PDCD6IP: variants seen among roughly 807,000 people sequenced by gnomAD.
PDCD6IP encodes the protein programmed cell death 6-interacting protein.
A neutral mutation model predicts 103.7 loss-of-function variants in PDCD6IP; 43 were observed. The observed-to-expected ratio is 0.41, with a 90% CI of 0.32 to 0.53. The LOEUF (loss-of-function observed/expected upper bound fraction) is 0.53, where lower values mean the gene tolerates loss of function less well. Among genes scored for constraint, PDCD6IP ranks in the 20% least tolerant of loss-of-function variants. The probability of loss-of-function intolerance (pLI) is 0.16; values close to 1 mark genes in which losing one functional copy is unlikely to be tolerated. For synonymous variants in PDCD6IP, 354 were observed against 378.7 expected (o/e 0.93, Z 0.76); for missense variants, 871 against 1,036.7 (o/e 0.84, Z 2.20).
chr3:33,838,213 A>G lies in PDCD6IP; in HGVS notation c.1067A>G (p.Glu356Gly). ...PISQKFTDLF[E>G]KMVPVSVQQS... ...CTCTTCCTAATTTTAGATCTGTTTG[A>G]GAAGATGGTTCCCGTGTCAGTACAG... Residue 356 changes from glutamate to glycine, a missense_variant, in exon 9 of 18, where the codon GAG becomes GGG. Coordinates refer to ENST00000307296, the MANE Select transcript of PDCD6IP (RefSeq NM_013374.6). The G allele has an allele frequency of 6.2e-7, 1 of 1,613,362 alleles. No homozygotes were observed. The highest frequency in any genetic ancestry group is 8.5e-7 in the Non-Finnish European group (1 of 1,179,702).
rs1225765257 is a variant in PDCD6IP, at chr3:33,798,675, C to T, written c.-54C>T. ...AGCCCAGTACCTCTCTCTCCTCGGCCCTCGTAAGCTGTCCGCGGTCTGTTT... is the reference window on the plus strand; with the variant it reads ...AGCCCAGTACCTCTCTCTCCTCGGCTCTCGTAAGCTGTCCGCGGTCTGTTT... On this transcript the variant is annotated 5_prime_UTR_variant, in exon 1 of 18. Coordinates refer to ENST00000307296, the MANE Select transcript of PDCD6IP (RefSeq NM_013374.6). The T allele has an allele frequency of 9.0e-6, 13 of 1,441,014 alleles. No individual in the cohort carries two copies. Among genetic ancestry groups the T allele is most frequent in the Non-Finnish European group, 1.1e-5 (12 of 1,071,614 alleles). 89.3% of individuals were successfully genotyped at this position (1,441,014 alleles called of 1,614,324 possible).
chr3:33,846,753 G>C (rs903329388), intron 12 of PDCD6IP, among the ~76,000 whole-genome samples: 11 of 152,190 alleles, frequency 7.2e-5, no homozygotes, highest in Non-Finnish European at 1.5e-4. Context: ...GTGACAGAAG[G>C]TTTACAGACA....
At chr3:33,864,192 C>A in intron 16 of PDCD6IP, 63 bp downstream of exon 16, 3 of 981,430 alleles carry the variant, frequency 3.1e-6, no homozygotes, top group Non-Finnish European at 4.8e-6. Flanking sequence ...CTTGTTCTAA[C>A]GGATAAAACA....
chr3:33,803,441 A>G (rs1321957281), intron 1 of PDCD6IP, among the ~76,000 whole-genome samples: 2 of 151,800 alleles, frequency 1.3e-5, no homozygotes, highest in Admixed American at 1.3e-4. Flanking sequence ...TTTTTCTGTG[A>G]TTGCTTGTTC....
At chr3:33,841,831 A>C in intron 9 of PDCD6IP, 66 bp from the exon 10 acceptor site, 1 of 1,026,988 alleles carries the variant, frequency 9.7e-7, no homozygotes, top group South Asian at 1.7e-5. Flanking sequence ...AATTAAATAA[A>C]GTAAGTATTG....
chr3:33,802,885 G>C (rs997564651), intron 1 of PDCD6IP, among the ~76,000 whole-genome samples: 1 of 152,114 alleles, frequency 6.6e-6, no homozygotes, highest in Non-Finnish European at 1.5e-5. Context: ...ATACCTTCTC[G>C]TTCCAGCCTC....
chr3:33,850,173 G>T lies in PDCD6IP; in HGVS notation c.1642-2315G>T, dbSNP rs368497264. Among the ~76,000 whole-genome samples the T allele has an allele frequency of 3.9e-5, 6 of 152,258 alleles. No individual in the cohort carries two copies. In the East Asian group the frequency reaches 9.6e-4, roughly 24 times the overall value. On this transcript the variant is annotated intron_variant, in intron 12 of 17. Coordinates refer to ENST00000307296, the MANE Select transcript of PDCD6IP (RefSeq NM_013374.6). Reference sequence around the variant, plus strand: ...GTACTATTATGCCCATTTTGCAGTTGTGAAAATTGAATTTTCTTAGTAGTA... The same window carrying T: ...GTACTATTATGCCCATTTTGCAGTTTTGAAAATTGAATTTTCTTAGTAGTA...
chr3:33,845,518 G>T lies in PDCD6IP; in HGVS notation c.1571G>T (p.Cys524Phe), dbSNP rs369799746. Residue 524 changes from cysteine to phenylalanine, a missense_variant, in exon 12 of 18, where the codon TGT (cysteine) becomes TTT (phenylalanine). Around this residue, in one of 5 missense-constraint regions of PDCD6IP, gnomAD observed 266 missense variants for 390.5 expected, o/e 0.68. Coordinates refer to ENST00000307296, the MANE Select transcript of PDCD6IP (RefSeq NM_013374.6). ...QSHRDTIVLL[C>F]KPEPELNAAI... ...CATCGTGACACCATCGTGCTTTTGT[G>T]TAAGCCAGAGCCTGAGCTGAATGCT... 1 of 1,613,960 alleles carries T rather than the reference G, an allele frequency of 6.2e-7. No homozygotes were observed. The highest frequency in any genetic ancestry group is 8.5e-7 in the Non-Finnish European group (1 of 1,179,882).
intron 11 of PDCD6IP, among the ~76,000 whole-genome samples, chr3:33,844,591 C>T (rs772947835): frequency 1.3e-5 from 2 of 152,138 alleles, no homozygotes; most frequent in Non-Finnish European, 2.9e-5. Flanking sequence ...GGCAATCCTT[C>T]TACCTCAACC....
At chr3:33,848,660 C>G (rs1276276372) in intron 12 of PDCD6IP, among the ~76,000 whole-genome samples, 1 of 152,114 alleles carries the variant, frequency 6.6e-6, no homozygotes, top group Non-Finnish European at 1.5e-5. Flanking sequence ...ACCTTGGCCT[C>G]CCAAAGTGCT....
chr3:33,844,165 AT>A lies in PDCD6IP; in HGVS notation c.1416del (p.Phe472LeufsTer17). ...EATDNDLRAK[F>X]KERWQRTPSN... ...CAACCGATAATGATTTAAGAGCAAA[AT>A]TTAAGGAACGTTGGCAAAGGACACC... On this transcript the variant is annotated frameshift_variant, in exon 11 of 18. Coordinates refer to ENST00000307296, the MANE Select transcript of PDCD6IP (RefSeq NM_013374.6). LOFTEE classifies it high-confidence loss of function. 3.1e-6 allele frequency: 5 copies of A among 1,608,576 alleles called. No individual in the cohort carries two copies. Among genetic ancestry groups the A allele is most frequent in the Non-Finnish European group, 4.2e-6 (5 of 1,178,856 alleles).
intron 7 of PDCD6IP, chr3:33,835,429 C>A: frequency 4.9e-6 from 2 of 411,482 alleles, no homozygotes; most frequent in South Asian, 1.8e-5. Flanking sequence ...AATAACCCAA[C>A]AGCCAGACAG....
chr3:33,856,473 A>G (rs550229642), intron 15 of PDCD6IP, among the ~76,000 whole-genome samples: 2 of 76,382 alleles, frequency 2.6e-5, no homozygotes, highest in African/African-American at 1.0e-4. Context: ...AGAAAGAATT[A>G]GAGAGAAAAT....
At chr3:33,852,459 A>C (rs192129979) in intron 12 of PDCD6IP, 29 bp from the exon 13 acceptor site, 12 of 972,878 alleles carry the variant, frequency 1.2e-5, no homozygotes, top group Middle Eastern at 7.5e-4. Context: ...TTTTTTTTGC[A>C]GTTAAACTAA....
chr3:33,857,139 G>A (rs973549860), intron 15 of PDCD6IP, among the ~76,000 whole-genome samples: 39 of 152,036 alleles, frequency 2.6e-4, no homozygotes, highest in Non-Finnish European at 4.6e-4. Context: ...CCTATAAAAA[G>A]CAAATAATTA....
chr3:33,865,983 T>G (rs1485437980), intron 17 of PDCD6IP, among the ~76,000 whole-genome samples: 1 of 152,200 alleles, frequency 6.6e-6, no homozygotes, highest in Non-Finnish European at 1.5e-5. Flanking sequence ...AGTTGTAAAT[T>G]TATGTATATC....
At chr3:33,799,183 A>T in intron 1 of PDCD6IP, 1 of 559,644 alleles carries the variant, frequency 1.8e-6, no homozygotes, top group South Asian at 2.5e-5. Flanking sequence ...GGCTCCGTGG[A>T]TCAGATACCT....
chr3:33,828,645 G>T, intron 6 of PDCD6IP: 1 of 369,540 alleles, frequency 2.7e-6, no homozygotes. Flanking sequence ...CCCTTCAATT[G>T]GAAGAAAAAA....
At chr3:33,847,689 CTT>C in intron 12 of PDCD6IP, among the ~76,000 whole-genome samples, 1 of 152,156 alleles carries the variant, frequency 6.6e-6, no homozygotes, top group East Asian at 1.9e-4. Context: ...TTTTCAGTCT[CTT>C]TGGACATCTG....
Sources: allele counts gnomAD v4.1 joint callset (sites outside exome capture counted in the v4.1 genomes callset), GRCh38; gene constraint gnomAD v4.1.1; regional missense constraint gnomAD v4.1.1; transcripts MANE v1.5; gene names NCBI Gene and HGNC (gene_info 2026-07-23, HGNC 2026-07-21).